VIPAS39: variants seen among roughly 807,000 people sequenced by gnomAD.
The protein encoded by VIPAS39 is VPS33B interacting protein, apical-basolateral polarity regulator, spe-39 homolog.
A neutral mutation model predicts 84.7 loss-of-function variants in VIPAS39; 63 were observed. The observed-to-expected ratio is 0.74, with a 90% CI of 0.61 to 0.92. The LOEUF (loss-of-function observed/expected upper bound fraction) is 0.92, where lower values mean the gene tolerates loss of function less well. VIPAS39 is among the 40% of genes least tolerant of loss of function. The probability of loss-of-function intolerance (pLI) is 0.00; values close to 1 mark genes in which losing one functional copy is unlikely to be tolerated. For synonymous variants in VIPAS39, 192 were observed against 216.5 expected (o/e 0.89, Z 0.99); for missense variants, 499 against 604.5 (o/e 0.83, Z 1.83).
chr14:77,436,048 A>G (rs2078606509), intron 12 of VIPAS39, 129 bp from the exon 13 acceptor site: 9 of 887,306 alleles, frequency 1.0e-5, no homozygotes, highest in Non-Finnish European at 1.5e-5. Flanking sequence ...GTTCACCTTT[A>G]GAGCGTCCCT....
chr14:77,440,510 A>G (rs1019761061), intron 11 of VIPAS39: 1 of 159,648 alleles, frequency 6.3e-6, no homozygotes, highest in Admixed American at 5.8e-5. Flanking sequence ...AAAACAACCG[A>G]AAAACAAATT....
At chr14:77,451,154 G>A in intron 4 of VIPAS39, 33 bp downstream of exon 4, 1 of 1,613,988 alleles carries the variant, frequency 6.2e-7, no homozygotes, top group Non-Finnish European at 8.5e-7. Context: ...AAAAGAGAAG[G>A]ACTTCCCTAT....
At chr14:77,434,094 C>A (rs1357221656) in intron 15 of VIPAS39, among the ~76,000 whole-genome samples, 163 bp from the exon 16 acceptor site, 1 of 152,210 alleles carries the variant, frequency 6.6e-6, no homozygotes, top group Non-Finnish European at 1.5e-5. Flanking sequence ...TTCCCAAGCC[C>A]CAGCACTGCT....
chr14:77,435,966 A>T (rs2078604906), intron 12 of VIPAS39, 47 bp from the exon 13 acceptor site: 7 of 1,601,066 alleles, frequency 4.4e-6, no homozygotes, highest in Non-Finnish European at 5.1e-6. Flanking sequence ...TCAAACAAGG[A>T]AACAAACCCA....
At chr14:77,441,472 A>G (rs758837393) in intron 10 of VIPAS39, among the ~76,000 whole-genome samples, 38 of 152,104 alleles carry the variant, frequency 2.5e-4, no homozygotes, top group Non-Finnish European at 4.9e-4. Context: ...ACAGAGTACA[A>G]TGTGTTTTGT....
chr14:77,453,172 T>A, intron 3 of VIPAS39, 127 bp downstream of exon 3: 1 of 1,003,578 alleles, frequency 1.0e-6, no homozygotes, highest in Non-Finnish European at 1.6e-6. Flanking sequence ...TCCAGATGTA[T>A]GCTTATCTGA....
In VIPAS39 at chr14:77,429,085, T is replaced by A. The variant is rs1158990659; in HGVS notation, c.1277A>T (p.Glu426Val). 1 of 1,613,730 alleles carries A rather than the reference T, an allele frequency of 6.2e-7. No homozygotes were observed. The highest frequency in any genetic ancestry group is 8.5e-7 in the Non-Finnish European group (1 of 1,179,712). The change falls in exon 18 of 20, where the codon GAG (glutamate) becomes GTG (valine). Residue 426 changes from glutamate to valine, a missense_variant. By Grantham distance (121) the Glu-to-Val change is moderately radical. Coordinates refer to ENST00000557658, the MANE Select transcript of VIPAS39 (RefSeq NM_001193315.2). Reference sequence around the variant, plus strand: ...CACATCTTCCACCAGATTGACATACTCCTGTAATATCTGTGGGAAGAGGTA... The same window carrying A: ...CACATCTTCCACCAGATTGACATACACCTGTAATATCTGTGGGAAGAGGTA... ...KNNAPVQILQEYVNLVEDVDT... is the reference protein window; with the variant it reads ...KNNAPVQILQVYVNLVEDVDT...
chr14:77,434,121 T>C (rs1436844998), intron 15 of VIPAS39, 141 bp downstream of exon 15: 1 of 1,158,956 alleles, frequency 8.6e-7, no homozygotes, highest in African/African-American at 1.5e-5. Flanking sequence ...CATTCAGTCT[T>C]CTCTCACTTT....
At chr14:77,436,890 T>G (rs564254937) in intron 12 of VIPAS39, among the ~76,000 whole-genome samples, 1 of 152,334 alleles carries the variant, frequency 6.6e-6, no homozygotes, top group East Asian at 1.9e-4. Flanking sequence ...TTCCCCATAC[T>G]CTGCTCACTC....
intron 1 of VIPAS39, among the ~76,000 whole-genome samples, chr14:77,456,889 G>A (rs1378975047): frequency 6.6e-6 from 1 of 152,160 alleles, no homozygotes; most frequent in Non-Finnish European, 1.5e-5. Flanking sequence ...AATCAGGTAC[G>A]ATTGTCACTC....
intron 3 of VIPAS39, among the ~76,000 whole-genome samples, chr14:77,452,779 CAAAAAA>C (rs11418833): frequency 1.9e-5 from 2 of 106,816 alleles, no homozygotes; most frequent in South Asian, 3.8e-4. Context: ...GACTCCATCT[CAAAAAA>C]AAAAAAAAAA....
intron 16 of VIPAS39, among the ~76,000 whole-genome samples, chr14:77,431,932 A>T (rs1024500391): frequency 6.6e-6 from 1 of 152,220 alleles, no homozygotes; most frequent in African/African-American, 2.4e-5. Context: ...TAGCCAAGAT[A>T]AGGAAACAAC....
chr14:77,454,153 G>A (rs1315485846), intron 1 of VIPAS39, 51 bp from the exon 2 acceptor site: 15 of 1,563,780 alleles, frequency 9.6e-6, no homozygotes, highest in African/African-American at 4.1e-5. Flanking sequence ...TCTCCCTAAA[G>A]AGTTCCAAAA....
intron 6 of VIPAS39, among the ~76,000 whole-genome samples, 164 bp from the exon 7 acceptor site, chr14:77,448,714 T>G (rs1456642448): frequency 1.3e-5 from 2 of 152,150 alleles, no homozygotes; most frequent in Non-Finnish European, 1.5e-5. Context: ...TGTTTTGAGT[T>G]TCTGAAGGAA....
rs532187874 is a variant in VIPAS39, at chr14:77,441,163, G to C, written c.735-70C>G. On this transcript the variant is annotated intron_variant, in intron 10 of 19. Coordinates refer to ENST00000557658, the MANE Select transcript of VIPAS39 (RefSeq NM_001193315.2). Reference sequence around the variant, plus strand: ...TGTGGCAGTATAACCTCACAAAATCGAGTGCCTCCTCTAGGAGAAACACAA... The same window carrying C: ...TGTGGCAGTATAACCTCACAAAATCCAGTGCCTCCTCTAGGAGAAACACAA... 1.9e-6 allele frequency: 3 copies of C among 1,563,874 alleles called. No individual in the cohort carries two copies. In the South Asian group the frequency reaches 3.3e-5, roughly 17 times the overall value.
intron 4 of VIPAS39, among the ~76,000 whole-genome samples, chr14:77,450,457 C>T (rs1298155445): frequency 6.6e-6 from 1 of 152,138 alleles, no homozygotes. Flanking sequence ...TGTTCAAGTA[C>T]CTGCTTTCCA....
chr14:77,448,364 C>A, intron 7 of VIPAS39, 130 bp downstream of exon 7: 1 of 991,076 alleles, frequency 1.0e-6, no homozygotes, highest in East Asian at 2.4e-5. Flanking sequence ...TGACTTTCAA[C>A]CTTAGTGGAT....
chr14:77,437,458 T>C (rs1320371465), intron 12 of VIPAS39, among the ~76,000 whole-genome samples: 1 of 152,132 alleles, frequency 6.6e-6, no homozygotes, highest in Non-Finnish European at 1.5e-5. Flanking sequence ...ATCTTTTTAT[T>C]ACCTAAGGTC....
At chr14:77,454,389 C>T (rs935812688) in intron 1 of VIPAS39, among the ~76,000 whole-genome samples, 1 of 152,062 alleles carries the variant, frequency 6.6e-6, no homozygotes, top group Non-Finnish European at 1.5e-5. Flanking sequence ...AAAAAAGTGC[C>T]AGAGGCTGGG....
Sources: gnomAD v4.1 joint callset for allele counts (sites outside exome capture counted in the v4.1 genomes callset) on GRCh38, gnomAD v4.1.1 for gene constraint, MANE v1.5 for transcripts, NCBI Gene and HGNC (gene_info 2026-07-23, HGNC 2026-07-21) for gene names.